Variants in PTPRR observed in about 807,000 individuals in gnomAD.
PTPRR encodes the protein receptor-type tyrosine-protein phosphatase R.
A neutral mutation model predicts 77.2 loss-of-function variants in PTPRR; 38 were observed. The observed-to-expected ratio is 0.49, with a 90% CI of 0.38 to 0.65. The LOEUF (loss-of-function observed/expected upper bound fraction) is 0.65, where lower values mean the gene tolerates loss of function less well. PTPRR is among the 30% of genes least tolerant of loss of function. The pLI, the probability that PTPRR is intolerant of heterozygous loss-of-function variation, is 0.00. For synonymous variants in PTPRR, 299 were observed against 283.1 expected, an observed-to-expected ratio of 1.06 and a Z score of -0.57; for missense variants, 744 against 799.2, an observed-to-expected ratio of 0.93 and a Z score of 0.83.
chr12:70,792,651 T>C (rs1891441327), intron 2 of PTPRR, among the ~76,000 whole-genome samples: 1 of 152,174 alleles, frequency 6.6e-6, no homozygotes, highest in Admixed American at 6.5e-5. Flanking sequence ...GGATAGGTAT[T>C]AAGAAAAACA....
chr12:70,731,269 A>T (rs929113032), intron 6 of PTPRR, among the ~76,000 whole-genome samples: 1 of 152,220 alleles, frequency 6.6e-6, no homozygotes, highest in Admixed American at 6.5e-5. Context: ...TGGATGGAAG[A>T]AAAATCCCTC....
At chr12:70,678,067 GT>G (rs1216546171) in intron 10 of PTPRR, among the ~76,000 whole-genome samples, 1 of 151,930 alleles carries the variant, frequency 6.6e-6, no homozygotes, top group Non-Finnish European at 1.5e-5. Flanking sequence ...TTGAGATGGA[GT>G]TGCACTCTGT....
chr12:70,687,847 C>T (rs1466297427), intron 8 of PTPRR, among the ~76,000 whole-genome samples: 1 of 152,146 alleles, frequency 6.6e-6, no homozygotes, highest in Non-Finnish European at 1.5e-5. Flanking sequence ...TATGTTGGGG[C>T]TACTGGTACT....
chr12:70,744,378 A>T (rs1283225644), intron 6 of PTPRR, among the ~76,000 whole-genome samples: 1 of 152,216 alleles, frequency 6.6e-6, no homozygotes, highest in East Asian at 1.9e-4. Flanking sequence ...TGTCACATGG[A>T]GACCTACATT....
intron 2 of PTPRR, among the ~76,000 whole-genome samples, chr12:70,803,377 G>A (rs1281232159): frequency 6.6e-6 from 1 of 152,084 alleles, no homozygotes; most frequent in Non-Finnish European, 1.5e-5. Context: ...AGCACTCTTT[G>A]GGTTTGTCAA....
intron 2 of PTPRR, among the ~76,000 whole-genome samples, chr12:70,771,255 G>A (rs1213739909): frequency 6.6e-6 from 1 of 152,070 alleles, no homozygotes; most frequent in South Asian, 2.1e-4. Flanking sequence ...TGCAGCACAT[G>A]GTTGCAGCCA....
intron 1 of PTPRR, among the ~76,000 whole-genome samples, chr12:70,916,026 T>G (rs1160202993): frequency 6.6e-6 from 1 of 152,116 alleles, no homozygotes; most frequent in African/African-American, 2.4e-5. Context: ...GGCTTACATT[T>G]TAATACAGAG....
intron 2 of PTPRR, among the ~76,000 whole-genome samples, chr12:70,794,649 A>C (rs1246001810): frequency 6.6e-6 from 1 of 152,212 alleles, no homozygotes; most frequent in African/African-American, 2.4e-5. Context: ...TTTAGTGCAG[A>C]GCTTCAGCCC....
At chr12:70,854,437 G>A (rs1016279100) in intron 2 of PTPRR, among the ~76,000 whole-genome samples, 1 of 152,240 alleles carries the variant, frequency 6.6e-6, no homozygotes, top group Non-Finnish European at 1.5e-5. Flanking sequence ...GACTGAAGCA[G>A]TAGGCACATC....
chr12:70,724,243 C>G (rs1157137549), intron 6 of PTPRR, among the ~76,000 whole-genome samples: 1 of 152,134 alleles, frequency 6.6e-6, no homozygotes, highest in African/African-American at 2.4e-5. Flanking sequence ...CATGCTACTT[C>G]TGCTGTCACT....
chr12:70,897,165 T>C (rs866099662), intron 1 of PTPRR, among the ~76,000 whole-genome samples: 3 of 151,694 alleles, frequency 2.0e-5, no homozygotes, highest in South Asian at 4.1e-4. Flanking sequence ...GATCTAATTA[T>C]ACTAAAGAGC....
chr12:70,866,334 A>G (rs1043894705), intron 2 of PTPRR, among the ~76,000 whole-genome samples: 19 of 152,334 alleles, frequency 1.2e-4, no homozygotes, highest in Admixed American at 1.2e-3. Flanking sequence ...ATGCAATAAA[A>G]AATGATAAAG....
intron 1 of PTPRR, among the ~76,000 whole-genome samples, chr12:70,905,595 G>T (rs2137131261): frequency 6.6e-6 from 1 of 152,050 alleles, no homozygotes; most frequent in Middle Eastern, 3.4e-3. Flanking sequence ...GTATGACCTT[G>T]GTAGCCTCTG....
At chr12:70,916,932 G>T (rs1893783797) in intron 1 of PTPRR, among the ~76,000 whole-genome samples, 1 of 152,170 alleles carries the variant, frequency 6.6e-6, no homozygotes, top group Admixed American at 6.5e-5. Context: ...GAAAGCAATG[G>T]ATTGAAATCA....
intron 6 of PTPRR, among the ~76,000 whole-genome samples, chr12:70,710,619 C>A (rs1888790772): frequency 6.6e-6 from 1 of 152,090 alleles, no homozygotes; most frequent in African/African-American, 2.4e-5. Flanking sequence ...TAACAGACAA[C>A]CTACAGAATG....
intron 2 of PTPRR, among the ~76,000 whole-genome samples, chr12:70,877,576 C>A (rs537909978): frequency 1.3e-5 from 2 of 152,192 alleles, no homozygotes; most frequent in African/African-American, 2.4e-5. Context: ...GAACTACAAA[C>A]CACTGCTGAA....
In PTPRR at chr12:70,638,931, C is replaced by A; in HGVS notation, c.*253G>T. On this transcript the variant is annotated 3_prime_UTR_variant, in exon 14 of 14. Coordinates refer to ENST00000283228, the MANE Select transcript of PTPRR (RefSeq NM_002849.4). ...CAGACAAAACAAAATCTGCCTTAGGCTGTGTGATAAACCTATCATACCTCC... is the reference window on the plus strand; with the variant it reads ...CAGACAAAACAAAATCTGCCTTAGGATGTGTGATAAACCTATCATACCTCC... 2.0e-6 allele frequency: 1 copy of A among 489,644 alleles called. No individual in the cohort carries two copies. The highest frequency in any genetic ancestry group is 2.5e-5 in the South Asian group (1 of 39,848). The allele number at this position is 489,644 out of a possible 1,614,324, so 30.3% of individuals were successfully genotyped here.
chr12:70,885,616 G>A (rs1296494807), intron 2 of PTPRR, among the ~76,000 whole-genome samples: 1 of 148,880 alleles, frequency 6.7e-6, no homozygotes, highest in Non-Finnish European at 1.5e-5. Flanking sequence ...CTCACTGCAA[G>A]CTCTGCCTCC....
chr12:70,701,299 T>C lies in PTPRR; in HGVS notation c.1032A>G (p.Thr344=), dbSNP rs757055937. The C allele has an allele frequency of 5.6e-6, 9 of 1,613,852 alleles. No individual in the cohort carries two copies. The highest frequency in any genetic ancestry group is 2.2e-5 in the South Asian group (2 of 91,078). ...TGTTCCCCAAGCTACTCATGTCCAA[T>C]GTAAGAGATACGTTGGACCCTCTTC... is the stretch of plus-strand genomic sequence containing the variant. The part of the protein sequence containing the change: ...QERRGSNVSL[T]LDMSSLGNIE... Residue 344 remains threonine, a synonymous_variant, in exon 7 of 14, where the codon ACA becomes ACG. Coordinates refer to ENST00000283228, the MANE Select transcript of PTPRR (RefSeq NM_002849.4).
Sources: gnomAD v4.1 joint callset for allele counts (sites outside exome capture counted in the v4.1 genomes callset) on GRCh38, gnomAD v4.1.1 for gene constraint, MANE v1.5 for transcripts, NCBI Gene and HGNC (gene_info 2026-07-23, HGNC 2026-07-21) for gene names.